GRIK4: variants seen among roughly 807,000 people sequenced by gnomAD.
GRIK4 encodes the protein glutamate receptor ionotropic, kainate 4.
A neutral mutation model predicts 104.9 loss-of-function variants in GRIK4; 40 were observed. That is an observed-to-expected ratio of 0.38 (90% CI 0.30 to 0.50). The LOEUF (loss-of-function observed/expected upper bound fraction) is 0.50, where lower values mean the gene tolerates loss of function less well. Ranked by LOEUF, GRIK4 falls within the 20% of genes least tolerant of loss-of-function variation. GRIK4 has a pLI of 0.93. For missense variants in GRIK4, 1,047 were observed against 1,308.1 expected (o/e 0.80, Z 3.08); for synonymous variants, 485 against 524.9 (o/e 0.92, Z 1.04).
At chr11:120,768,339 T>A (rs1951875379) in intron 3 of GRIK4, among the ~76,000 whole-genome samples, 1 of 152,138 alleles carries the variant, frequency 6.6e-6, no homozygotes, top group Non-Finnish European at 1.5e-5. Context: ...TTTTCTTGAT[T>A]TCTTTTTCAG....
chr11:120,542,036 C>G (rs1002024002), intron 1 of GRIK4, among the ~76,000 whole-genome samples: 2 of 152,046 alleles, frequency 1.3e-5, no homozygotes, highest in African/African-American at 4.8e-5. Context: ...TTGGAGACAT[C>G]ATACTTCCTG....
intron 13 of GRIK4, among the ~76,000 whole-genome samples, chr11:120,927,586 A>AAAG (rs1555096055): frequency 7.3e-5 from 7 of 95,588 alleles, no homozygotes; most frequent in African/African-American, 2.1e-4. Context: ...AAAAAAAAAA[A>AAAG]AAAGAAAGAA....
At chr11:120,933,628 A>C (rs1943526426) in intron 13 of GRIK4, among the ~76,000 whole-genome samples, 1 of 152,122 alleles carries the variant, frequency 6.6e-6, no homozygotes, top group East Asian at 1.9e-4. Context: ...CTGCCTTAAT[A>C]GCCCCTTATT....
intron 20 of GRIK4, among the ~76,000 whole-genome samples, chr11:120,985,203 G>T (rs1944720713): frequency 2.0e-5 from 3 of 152,170 alleles, no homozygotes. Flanking sequence ...TAAGTTTGAT[G>T]CAAATGCACT....
chr11:120,559,584 C>T (rs1948219234), intron 1 of GRIK4, among the ~76,000 whole-genome samples: 3 of 152,174 alleles, frequency 2.0e-5, no homozygotes, highest in Admixed American at 1.3e-4. Flanking sequence ...TGCAGGCCTT[C>T]CAAAACAACA....
At chr11:120,919,324 C>A (rs78621482) in intron 13 of GRIK4, among the ~76,000 whole-genome samples, 1 of 152,120 alleles carries the variant, frequency 6.6e-6, no homozygotes, top group African/African-American at 2.4e-5. Context: ...ATCACTTAGA[C>A]CATGGGAAGG....
intron 9 of GRIK4, chr11:120,871,817 G>A (rs1010558603): frequency 8.8e-6 from 4 of 455,996 alleles, no homozygotes; most frequent in Middle Eastern, 6.5e-4. Context: ...AGAGAGAGAG[G>A]GAGGAAGAAA....
chr11:120,964,842 G>A (rs1384853974), intron 18 of GRIK4, among the ~76,000 whole-genome samples: 1 of 152,194 alleles, frequency 6.6e-6, no homozygotes, highest in Non-Finnish European at 1.5e-5. Context: ...TAGATTACTT[G>A]TCCAAGGTCA....
chr11:120,955,891 G>A (rs1944135328), intron 15 of GRIK4, among the ~76,000 whole-genome samples: 1 of 151,924 alleles, frequency 6.6e-6, no homozygotes, highest in African/African-American at 2.4e-5. Flanking sequence ...CGAGGCCAGT[G>A]GCTCTCAGTA....
intron 1 of GRIK4, among the ~76,000 whole-genome samples, chr11:120,646,443 T>G (rs1402488401): frequency 6.6e-6 from 1 of 152,172 alleles, no homozygotes; most frequent in Non-Finnish European, 1.5e-5. Flanking sequence ...TTGTACTGCC[T>G]CCTTCTGGGA....
chr11:120,956,322 C>T lies in GRIK4; in HGVS notation c.1701-458C>T, dbSNP rs1420443643. On this transcript the variant is annotated intron_variant, in intron 15 of 20. Transcript: ENST00000527524. The surrounding 1 kb of genome is among the most constrained non-coding windows in gnomAD (Gnocchi z 4.6). ...ACTCAAGTGATTCTCCCACCTCATCCTCTTGAGTAGCTAGGATTACAGGCA... is the reference window on the plus strand; with the variant it reads ...ACTCAAGTGATTCTCCCACCTCATCTTCTTGAGTAGCTAGGATTACAGGCA... 6.6e-6 allele frequency among the ~76,000 whole-genome samples: 1 copy of T among 152,040 alleles called. No homozygotes were observed. Among genetic ancestry groups the T allele is most frequent in the Non-Finnish European group, 1.5e-5 (1 of 68,038 alleles).
intron 1 of GRIK4, among the ~76,000 whole-genome samples, chr11:120,584,899 AAAGCCTACTTGATC>A (rs1203908495): frequency 5.9e-5 from 9 of 152,224 alleles, no homozygotes; most frequent in Non-Finnish European, 1.2e-4. Context: ...TCCCAGGGAT[AAAGCCTACTTGATC>A]ATGGTAGATT....
At position 120,898,831 on chromosome 11, in the gene GRIK4, G is replaced by C. The variant is rs144553285; in HGVS notation, c.1272+192G>C. 5.8e-3 allele frequency among the ~76,000 whole-genome samples: 876 copies of C among 152,284 alleles called. 11 individuals are homozygous for C. The highest frequency in any genetic ancestry group is 0.02 in the African/African-American group (842 of 41,558). On this transcript the variant is annotated intron_variant, in intron 12 of 20. Coordinates refer to ENST00000527524, the MANE Select transcript of GRIK4 (RefSeq NM_014619.5). ...ATATTTGATGAGTTCCAGAGCAGGT[G>C]GGGGGAGGGTTGGGGTGGAGAGACA...
At chr11:120,974,439 AC>A (rs1944527953) in intron 19 of GRIK4, among the ~76,000 whole-genome samples, 1 of 152,130 alleles carries the variant, frequency 6.6e-6, no homozygotes, top group Admixed American at 6.5e-5. Context: ...TTTTTCGGAG[AC>A]CTCTGAAACT....
intron 3 of GRIK4, among the ~76,000 whole-genome samples, chr11:120,788,363 A>G (rs1000031475): frequency 6.6e-6 from 1 of 151,984 alleles, no homozygotes; most frequent in South Asian, 2.1e-4. Context: ...TGATCTCTAT[A>G]TGTTCTTGTA....
intron 14 of GRIK4, among the ~76,000 whole-genome samples, chr11:120,951,611 A>G (rs1944002574): frequency 2.0e-5 from 3 of 152,224 alleles, no homozygotes; most frequent in Non-Finnish European, 4.4e-5. Context: ...CTGGCATCAT[A>G]GAATCATAGC....
chr11:120,604,602 A>G (rs1357719814), intron 1 of GRIK4, among the ~76,000 whole-genome samples: 1 of 152,216 alleles, frequency 6.6e-6, no homozygotes, highest in African/African-American at 2.4e-5. Flanking sequence ...GGAGGATTTC[A>G]TGAGAAAAGA....
intron 3 of GRIK4, among the ~76,000 whole-genome samples, chr11:120,669,782 CG>C (rs1949984572): frequency 6.6e-6 from 1 of 152,236 alleles, no homozygotes; most frequent in Non-Finnish European, 1.5e-5. Flanking sequence ...CCTCAGGGCC[CG>C]GTCCTTAAAC....
intron 19 of GRIK4, among the ~76,000 whole-genome samples, chr11:120,977,467 T>C (rs564737628): frequency 6.6e-6 from 1 of 152,354 alleles, no homozygotes; most frequent in African/African-American, 2.4e-5. Flanking sequence ...GAATGACTGA[T>C]GACAGTGTTA....
Sources: gnomAD v4.1 joint callset for allele counts (sites outside exome capture counted in the v4.1 genomes callset) on GRCh38, gnomAD v4.1.1 for gene constraint, Gnocchi (gnomAD v3.1) non-coding constraint, MANE v1.5 for transcripts, NCBI Gene and HGNC (gene_info 2026-07-23, HGNC 2026-07-21) for gene names.